Variants in CLNK observed in about 807,000 individuals in gnomAD.
CLNK encodes cytokine dependent hematopoietic cell linker.
Under a neutral mutation model 68.6 loss-of-function variants are expected in CLNK, and 74 were observed. The ratio of observed to expected loss-of-function variants is 1.08; its 90% CI spans 0.89 to 1.31. The LOEUF (loss-of-function observed/expected upper bound fraction) is 1.31. CLNK is among the 50% of genes most tolerant of loss of function. The probability of loss-of-function intolerance (pLI) is 0.00; values close to 1 mark genes in which losing one functional copy is unlikely to be tolerated. For synonymous variants in CLNK, 198 were observed against 172.2 expected (o/e 1.15, Z -1.17); for missense variants, 553 against 515.3 (o/e 1.07, Z -0.71).
Position 10,574,615 on chromosome 4 carries a change from G to A in CLNK, c.113-2837C>T, listed in dbSNP as rs147999717. Among the ~76,000 whole-genome samples the A allele has an allele frequency of 6.1e-4, 93 of 152,006 alleles. 1 individual carries two copies. In the East Asian group the frequency reaches 7.6e-3, roughly 12 times the overall value. On this transcript the variant is annotated intron_variant, in intron 4 of 18. Transcript: ENST00000226951. ...TAATTTTCCTTTCCCAGACCCTCAC[G>A]CCACTCCCTTTAAGGGAGGAGACCA...
chr4:10,535,238 A>AGAAAGAAAGAAAGAAAGAAG (rs1718707760), intron 11 of CLNK, among the ~76,000 whole-genome samples: 1 of 151,228 alleles, frequency 6.6e-6, no homozygotes. Flanking sequence ...AAAGAAAGAA[A>AGAAAGAAAGAAAGAAAGAAG]GAAAGAAAGA....
At chr4:10,591,914 T>C (rs1377883962) in intron 3 of CLNK, among the ~76,000 whole-genome samples, 1 of 152,218 alleles carries the variant, frequency 6.6e-6, no homozygotes, top group African/African-American at 2.4e-5. Context: ...ATAAGAAATA[T>C]TTGGGGCATG....
the CLNK span, among the ~76,000 whole-genome samples, chr4:10,721,384 A>G: frequency 6.6e-6 from 1 of 152,186 alleles, no homozygotes; most frequent in Non-Finnish European, 1.5e-5. Context: ...ACTGCATGAG[A>G]CTCTACAATC....
intron 2 of CLNK, among the ~76,000 whole-genome samples, chr4:10,601,365 C>A (rs374646378): frequency 6.6e-6 from 1 of 152,062 alleles, no homozygotes; most frequent in Non-Finnish European, 1.5e-5. Flanking sequence ...ATTATTGAAG[C>A]AAAATATTAA....
upstream of CLNK, among the ~76,000 whole-genome samples, chr4:10,685,750 C>A (rs1323116853): frequency 6.6e-6 from 1 of 152,146 alleles, no homozygotes; most frequent in Admixed American, 6.6e-5. Flanking sequence ...CATTGCTAAG[C>A]AACTTGCAAG....
At chr4:10,635,496 A>G (rs1190190598) in intron 2 of CLNK, among the ~76,000 whole-genome samples, 1 of 152,140 alleles carries the variant, frequency 6.6e-6, no homozygotes, top group Non-Finnish European at 1.5e-5. Flanking sequence ...TCCCAGTGAT[A>G]TATACTTAGA....
chr4:10,617,155 T>C (rs563218603), intron 2 of CLNK, among the ~76,000 whole-genome samples: 10 of 152,232 alleles, frequency 6.6e-5, no homozygotes, highest in East Asian at 5.8e-4. Context: ...AAAAATCCCA[T>C]AGAACTTCCT....
At chr4:10,563,245 A>G (rs1336925954) in intron 7 of CLNK, among the ~76,000 whole-genome samples, 3 of 152,256 alleles carry the variant, frequency 2.0e-5, no homozygotes, top group Non-Finnish European at 4.4e-5. Flanking sequence ...ACTGTGGTGC[A>G]AACTAAAAAA....
At chr4:10,629,782 T>A (rs948023144) in intron 2 of CLNK, among the ~76,000 whole-genome samples, 5 of 152,130 alleles carry the variant, frequency 3.3e-5, no homozygotes, top group Non-Finnish European at 7.4e-5. Flanking sequence ...AAGGTGAGCA[T>A]ATCAGTAGCT....
At chr4:10,696,060 T>C in the CLNK span, among the ~76,000 whole-genome samples, 1 of 152,276 alleles carries the variant, frequency 6.6e-6, no homozygotes. Flanking sequence ...TTCACCCTGT[T>C]GGCCGGGCTA....
At chr4:10,622,577 C>G (rs1443049204) in intron 2 of CLNK, among the ~76,000 whole-genome samples, 5 of 152,152 alleles carry the variant, frequency 3.3e-5, no homozygotes. Flanking sequence ...GAAGTTTTCA[C>G]CAGTTCTTTG....
At chr4:10,590,105 A>C (rs1366687470) in intron 3 of CLNK, among the ~76,000 whole-genome samples, 1 of 152,216 alleles carries the variant, frequency 6.6e-6, no homozygotes, top group African/African-American at 2.4e-5. Flanking sequence ...GTGGCAAGAA[A>C]GTGCATGGCA....
chr4:10,725,003 G>C, the CLNK span, among the ~76,000 whole-genome samples: 1 of 152,160 alleles, frequency 6.6e-6, no homozygotes, highest in Admixed American at 6.5e-5. Flanking sequence ...ACGGACACCT[G>C]TGAAGAAGGG....
intron 16 of CLNK, among the ~76,000 whole-genome samples, chr4:10,511,097 G>T (rs964845272): frequency 6.6e-6 from 1 of 152,108 alleles, no homozygotes. Flanking sequence ...GGCGGGGGTT[G>T]CAGTGAACTG....
At chr4:10,690,403 C>T in the CLNK span, among the ~76,000 whole-genome samples, 8 of 152,168 alleles carry the variant, frequency 5.3e-5, no homozygotes, top group South Asian at 2.1e-4. Context: ...TTGTTGCATT[C>T]GTGTCTAAGT....
chr4:10,507,917 G>A, intron 17 of CLNK, 42 bp downstream of exon 17: 1 of 1,423,328 alleles, frequency 7.0e-7, no homozygotes, highest in Non-Finnish European at 9.7e-7. Flanking sequence ...ACCTTAAGAT[G>A]CCTATAGAAA....
intron 12 of CLNK, among the ~76,000 whole-genome samples, chr4:10,530,216 C>T (rs1336126944): frequency 6.6e-6 from 1 of 152,120 alleles, no homozygotes; most frequent in African/African-American, 2.4e-5. Context: ...AGGACTCTGG[C>T]CAAGTTTGCC....
intron 2 of CLNK, among the ~76,000 whole-genome samples, chr4:10,641,111 A>G (rs1263671343): frequency 6.6e-6 from 1 of 152,162 alleles, no homozygotes; most frequent in African/African-American, 2.4e-5. Context: ...TCATGTTTAA[A>G]GTTTCTAGCA....
At chr4:10,682,129 G>GTT (rs1725115495) in intron 1 of CLNK, among the ~76,000 whole-genome samples, 1 of 120,564 alleles carries the variant, frequency 8.3e-6, no homozygotes, top group African/African-American at 2.8e-5. Flanking sequence ...GTTTGTGTGT[G>GTT]TGTATGTGTG....
Sources: allele counts gnomAD v4.1 joint callset (sites outside exome capture counted in the v4.1 genomes callset), GRCh38; gene constraint gnomAD v4.1.1; transcripts MANE v1.5; gene names NCBI Gene and HGNC (gene_info 2026-07-23, HGNC 2026-07-21).